LYAR: variants seen among roughly 807,000 people sequenced by gnomAD.
The protein encoded by LYAR is cell growth-regulating nucleolar protein.
In LYAR, 37 loss-of-function variants were observed where a neutral mutation model predicts 45.2. The observed-to-expected ratio is 0.82, with a 90% confidence interval of 0.63 to 1.08. The LOEUF is 1.08. Among genes scored for constraint, LYAR ranks in the 50% least tolerant of loss-of-function variants. The probability of loss-of-function intolerance (pLI) is 0.00; values close to 1 mark genes in which losing one functional copy is unlikely to be tolerated. For missense variants in LYAR, 493 were observed against 451.0 expected (o/e 1.09, Z -0.84); for synonymous variants, 176 against 155.1 (o/e 1.14, Z -1.00).
chr4:4,278,479 A>T (rs1719276079), intron 6 of LYAR, among the ~76,000 whole-genome samples: 1 of 152,228 alleles, frequency 6.6e-6, no homozygotes, highest in Admixed American at 6.5e-5. Flanking sequence ...TGATTTAATT[A>T]CTTGAAGGGA....
chr4:4,279,162 T>TAAA (rs34141345), intron 6 of LYAR, among the ~76,000 whole-genome samples: 87 of 146,524 alleles, frequency 5.9e-4, no homozygotes, highest in South Asian at 1.3e-3. Flanking sequence ...CTGTCTCTGC[T>TAAA]AAAAAAAAAA....
chr4:4,277,974 G>T (rs1174552714), intron 6 of LYAR, among the ~76,000 whole-genome samples: 1 of 152,190 alleles, frequency 6.6e-6, no homozygotes, highest in Non-Finnish European at 1.5e-5. Flanking sequence ...AGAGCTCAGG[G>T]TTTACCAGGG....
intron 1 of LYAR, among the ~76,000 whole-genome samples, chr4:4,286,902 C>G (rs1455012317): frequency 7.9e-6 from 1 of 125,948 alleles, no homozygotes; most frequent in Non-Finnish European, 1.6e-5. Context: ...CCGCCTGCCT[C>G]GGCCTCCCAA....
rs11723469 is a variant in LYAR, at chr4:4,274,249, A to G, written c.832+118T>C. 85 of 1,184,262 alleles carry G rather than the reference A, an allele frequency of 7.2e-5. No individual in the cohort carries two copies. In the East Asian group the frequency reaches 1.9e-3, roughly 26 times the overall value. 73.4% of individuals were successfully genotyped at this position (1,184,262 alleles called of 1,614,324 possible). A position where few individuals can be genotyped will look rare whatever the true frequency, so the allele number is the denominator to read the frequency against. On this transcript the variant is annotated intron_variant, in intron 7 of 9. Transcript: ENST00000343470. ...AAGACTCCGTCTCAAAAAAAACAAA[A>G]AAAAAAAAAACCACACACACACGCA...
In LYAR at chr4:4,274,579, T is replaced by G; in HGVS notation, c.620A>C (p.Lys207Thr). 6.2e-7 allele frequency: 1 copy of G among 1,613,650 alleles called. No individual in the cohort carries two copies. The highest frequency in any genetic ancestry group is 2.2e-5 in the East Asian group (1 of 44,882). Reference protein sequence around the residue: ...KKRKREKKELKLENHQENSRN... With the variant: ...KKRKREKKELTLENHQENSRN... ...TGAGTTTTCCTGGTGGTTTTCTAAC[T>G]TTAGTTCTTTCTTTTCTCTTTTCCT... is the stretch of plus-strand genomic sequence containing the variant. Residue 207 changes from lysine to threonine, a missense_variant, in exon 7 of 10, where the codon AAG (lysine) becomes ACG (threonine). By Grantham distance (78) the Lys-to-Thr change is moderately conservative. Coordinates refer to ENST00000343470, the MANE Select transcript of LYAR (RefSeq NM_017816.3).
Position 4,273,684 on chromosome 4 carries a change from A to T in LYAR, c.833-15T>A, listed in dbSNP as rs766257076. On this transcript the variant is annotated splice_polypyrimidine_tract_variant and intron_variant, in intron 7 of 9. Transcript: ENST00000343470. ...ATCTGTTTCAACTAAGTATTTGGAA[A>T]GATTTTTTTTAAAGAAGATTTTGCA... 2 of 1,553,364 alleles carry T rather than the reference A, an allele frequency of 1.3e-6. No homozygotes were observed. The highest frequency in any genetic ancestry group is 4.5e-5 in the East Asian group (2 of 44,584).
Position 4,279,426 on chromosome 4 carries a change from C to G in LYAR, c.429+21G>C, listed in dbSNP as rs1719308810. 2.0e-6 allele frequency: 3 copies of G among 1,536,406 alleles called. No individual in the cohort carries two copies. In the African/African-American group the frequency reaches 4.1e-5, roughly 21 times the overall value. On this transcript the variant is annotated intron_variant, in intron 6 of 9. Coordinates refer to ENST00000343470, the MANE Select transcript of LYAR (RefSeq NM_017816.3). ...TAATTATTTTTGCCACAATGCAAAT[C>G]TAAAATCAGATCTGACTTACGCTGT... is the stretch of plus-strand genomic sequence containing the variant.
In LYAR at chr4:4,279,614, C is replaced by G. The variant is rs757096477; in HGVS notation, c.345+28G>C. 7.6e-6 allele frequency: 12 copies of G among 1,586,998 alleles called. 1 individual carries two copies. In the South Asian group the frequency reaches 1.2e-4, roughly 16 times the overall value. ...TCAGTCACTGATGGGCCACACGGCC[C>G]CCTCCATTCAAGAAAGTCAATTCAT... is the stretch of plus-strand genomic sequence containing the variant. On this transcript the variant is annotated intron_variant, in intron 5 of 9. Transcript: ENST00000343470.
At chr4:4,288,420 G>C (rs962059967) in intron 1 of LYAR, among the ~76,000 whole-genome samples, 2 of 151,578 alleles carry the variant, frequency 1.3e-5, no homozygotes, top group African/African-American at 4.9e-5. Context: ...TTGGTTCTGA[G>C]ATTGGAATGA....
chr4:4,269,393 C>A (rs1334695560), intron 8 of LYAR, among the ~76,000 whole-genome samples: 1 of 152,190 alleles, frequency 6.6e-6, no homozygotes, highest in South Asian at 2.1e-4. Context: ...CCCACCCGCA[C>A]CAGCAAAAGC....
intron 6 of LYAR, among the ~76,000 whole-genome samples, chr4:4,278,909 T>A (rs1410560403): frequency 6.6e-6 from 1 of 152,202 alleles, no homozygotes; most frequent in Non-Finnish European, 1.5e-5. Flanking sequence ...AATCATTACA[T>A]ACTGGGCTGG....
intron 2 of LYAR, 147 bp from the exon 3 acceptor site, chr4:4,283,942 A>G (rs1719503859): frequency 1.9e-6 from 1 of 532,912 alleles, no homozygotes; most frequent in Non-Finnish European, 3.3e-6. Context: ...CACCATTCAT[A>G]TAAGTAAAAC....
At chr4:4,272,100 G>A (rs899412158) in intron 8 of LYAR, among the ~76,000 whole-genome samples, 1 of 152,170 alleles carries the variant, frequency 6.6e-6, no homozygotes, top group African/African-American at 2.4e-5. Context: ...AAGTGGCTGT[G>A]GCTACAAGAG....
At chr4:4,283,907 T>C (rs772815521) in intron 2 of LYAR, 112 bp from the exon 3 acceptor site, 6 of 554,850 alleles carry the variant, frequency 1.1e-5, no homozygotes, top group African/African-American at 9.4e-5. Context: ...AGAGTCAAAG[T>C]TGATTAGCAA....
At chr4:4,278,678 T>C (rs956637161) in intron 6 of LYAR, among the ~76,000 whole-genome samples, 3 of 152,218 alleles carry the variant, frequency 2.0e-5, no homozygotes, top group Non-Finnish European at 4.4e-5. Flanking sequence ...GTTCAGGTCC[T>C]GGCACAGATC....
chr4:4,279,578 T>C lies in LYAR; in HGVS notation c.346-48A>G. ...GAACTATTGATCCCACTTGGACAGG[T>C]ACACACAAGCTCAGTCACTGATGGG... On this transcript the variant is annotated intron_variant, in intron 5 of 9. Transcript: ENST00000343470. 1.9e-6 allele frequency: 3 copies of C among 1,555,382 alleles called. No homozygotes were observed. The South Asian group carries it at 3.3e-5, about 17-fold the overall frequency.
In LYAR at chr4:4,284,233, ACT is replaced by A. The variant is rs201856703; in HGVS notation, c.-53-440_-53-439del. 1.3e-3 allele frequency among the ~76,000 whole-genome samples: 198 copies of A among 152,142 alleles called. 1 individual carries two copies. The highest frequency in any genetic ancestry group is 4.7e-3 in the African/African-American group (194 of 41,502). On this transcript the variant is annotated intron_variant, in intron 2 of 9. Coordinates refer to ENST00000343470, the MANE Select transcript of LYAR (RefSeq NM_017816.3). ...AATCTTACTTTCCATAATACCTTAA[ACT>A]CTCTCTCTGTATATGAAACTTATAG... is the stretch of plus-strand genomic sequence containing the variant.
intron 8 of LYAR, among the ~76,000 whole-genome samples, chr4:4,270,563 A>C (rs200492173): frequency 6.6e-5 from 10 of 151,282 alleles, no homozygotes; most frequent in Middle Eastern, 3.4e-3. Flanking sequence ...CAAAAACAAC[A>C]ACCAAAAAAA....
chr4:4,268,152 G>A (rs1718788836), intron 9 of LYAR, 129 bp from the exon 10 acceptor site: 1 of 839,664 alleles, frequency 1.2e-6, no homozygotes, highest in African/African-American at 1.8e-5. Flanking sequence ...ACACCGGCGT[G>A]CTCTCCTTGG....
Sources: gnomAD v4.1 joint callset for allele counts (sites outside exome capture counted in the v4.1 genomes callset) on GRCh38, gnomAD v4.1.1 for gene constraint, MANE v1.5 for transcripts, NCBI Gene and HGNC (gene_info 2026-07-23, HGNC 2026-07-21) for gene names.